SORBS2: variants seen among roughly 807,000 people sequenced by gnomAD.
SORBS2 encodes sorbin and SH3 domain-containing protein 2.
In SORBS2, 46 loss-of-function variants were observed where a neutral mutation model predicts 97.7. That is an observed-to-expected ratio of 0.47 (90% CI 0.37 to 0.60). The LOEUF is 0.60. SORBS2 is among the 20% of genes least tolerant of loss of function. The pLI, the probability that SORBS2 is intolerant of heterozygous loss-of-function variation, is 0.00. For missense variants in SORBS2, 1,316 were observed against 1,282.3 expected, an observed-to-expected ratio of 1.03 and a Z score of -0.40; for synonymous variants, 476 against 473.4, an observed-to-expected ratio of 1.01 and a Z score of -0.07.
At chr4:185,641,739 TTTG>T (rs948683684) in intron 4 of SORBS2, among the ~76,000 whole-genome samples, 3 of 151,648 alleles carry the variant, frequency 2.0e-5, no homozygotes, top group Admixed American at 6.6e-5. Context: ...GTGTGATTTT[TTTG>T]TTGTTGTTTC....
intron 2 of SORBS2, among the ~76,000 whole-genome samples, chr4:185,768,726 A>G (rs2098952246): frequency 6.6e-6 from 1 of 151,922 alleles, no homozygotes; most frequent in African/African-American, 2.4e-5. Flanking sequence ...AAAACAAAAA[A>G]AAATGCAAAT....
intron 5 of SORBS2, among the ~76,000 whole-genome samples, chr4:185,629,910 C>A (rs1441310734): frequency 6.6e-6 from 1 of 152,108 alleles, no homozygotes; most frequent in African/African-American, 2.4e-5. Flanking sequence ...GCTAATGGAA[C>A]TTACTTCAGG....
At chr4:185,881,620 C>T (rs1023707247) in intron 1 of SORBS2, among the ~76,000 whole-genome samples, 4 of 152,094 alleles carry the variant, frequency 2.6e-5, no homozygotes, top group Admixed American at 1.3e-4. Context: ...CAACTTCTGA[C>T]GATGAAATCC....
rs1354791543 is a variant in SORBS2 at position 185,607,212 on chromosome 4, T to A, written c.2796+4568A>T. The A allele has an allele frequency of 8.7e-7, 1 of 1,153,836 alleles. No individual in the cohort carries two copies. Among genetic ancestry groups the A allele is most frequent in the Non-Finnish European group, 1.1e-6 (1 of 924,580 alleles). 71.5% of individuals were successfully genotyped at this position (1,153,836 alleles called of 1,614,324 possible). A position where few individuals can be genotyped will look rare whatever the true frequency, so the allele number is the denominator to read the frequency against. On this transcript the variant is annotated intron_variant, in intron 12 of 14. Transcript: ENST00000418609. This position sits in a 1 kb window ranked among gnomAD's most constrained non-coding sequence, Gnocchi z 5.2. Reference sequence around the variant, plus strand: ...AGAAGTTGTCCAGGAAACGAGGTGGTGTTGGGGCCAAAGGGTTTGCTGGTA... The same window carrying A: ...AGAAGTTGTCCAGGAAACGAGGTGGAGTTGGGGCCAAAGGGTTTGCTGGTA...
At chr4:185,916,954 C>A (rs1314767370) in intron 1 of SORBS2, among the ~76,000 whole-genome samples, 2 of 152,188 alleles carry the variant, frequency 1.3e-5, no homozygotes, top group Non-Finnish European at 2.9e-5. Context: ...AAAGACCAAG[C>A]CAGGATTAGA....
chr4:185,694,898 G>C (rs2098154099), intron 2 of SORBS2, among the ~76,000 whole-genome samples: 1 of 151,202 alleles, frequency 6.6e-6, no homozygotes, highest in African/African-American at 2.4e-5. Flanking sequence ...GTAGAGACGG[G>C]GTTTTACCAT....
chr4:185,730,740 T>A (rs2098613233), intron 2 of SORBS2, among the ~76,000 whole-genome samples: 1 of 151,996 alleles, frequency 6.6e-6, no homozygotes, highest in Non-Finnish European at 1.5e-5. Context: ...GCCCCTAGAG[T>A]CCCAGAGGTC....
At chr4:185,878,344 A>G (rs887821685) in intron 1 of SORBS2, among the ~76,000 whole-genome samples, 1 of 152,218 alleles carries the variant, frequency 6.6e-6, no homozygotes, top group Non-Finnish European at 1.5e-5. Flanking sequence ...GGATCACTAT[A>G]AAATCTTATT....
rs1312359189 is a variant in SORBS2 at position 185,678,411 on chromosome 4, G to A, written c.-46+12C>T. The stretch of plus-strand genomic sequence containing the variant: ...TTAAAATAATGCAGTAGCCAAGAGT[G>A]TGCAGGGTTACCTGAGTTGGTGATC... On this transcript the variant is annotated intron_variant, in intron 4 of 20. Coordinates refer to the SORBS2 transcript ENST00000284776. 5.8e-6 allele frequency: 9 copies of A among 1,547,958 alleles called. No individual in the cohort carries two copies. Among genetic ancestry groups the A allele is most frequent in the Admixed American group, 2.0e-5 (1 of 50,176 alleles).
intron 1 of SORBS2, among the ~76,000 whole-genome samples, chr4:185,914,598 C>T (rs978338610): frequency 1.3e-5 from 2 of 152,160 alleles, no homozygotes; most frequent in African/African-American, 4.8e-5. Context: ...CGTGAACGCA[C>T]GTTCATTGTA....
chr4:185,886,283 C>T (rs950701091), intron 1 of SORBS2, among the ~76,000 whole-genome samples: 2 of 152,030 alleles, frequency 1.3e-5, no homozygotes, highest in Non-Finnish European at 2.9e-5. Flanking sequence ...CCACCCAGTG[C>T]GGTGGCTCAC....
At chr4:185,689,796 C>T (rs1238998460) in intron 2 of SORBS2, among the ~76,000 whole-genome samples, 1 of 152,154 alleles carries the variant, frequency 6.6e-6, no homozygotes, top group African/African-American at 2.4e-5. Context: ...TCTGCCATGG[C>T]GCGACGGCTC....
At chr4:185,758,828 G>T (rs1250120847) in intron 2 of SORBS2, among the ~76,000 whole-genome samples, 1 of 152,180 alleles carries the variant, frequency 6.6e-6, no homozygotes, top group Non-Finnish European at 1.5e-5. Flanking sequence ...CCCCAGATGG[G>T]TAACCCTATG....
At chr4:185,656,950 CA>C in exon 1 of SORBS2, 1 of 1,145,924 alleles carries the variant, frequency 8.7e-7, no homozygotes. Flanking sequence ...CCAATCATCT[CA>C]CCTCCCAACT....
At chr4:185,708,959 T>G (rs1437684614) in intron 2 of SORBS2, among the ~76,000 whole-genome samples, 1 of 152,284 alleles carries the variant, frequency 6.6e-6, no homozygotes, top group Admixed American at 6.5e-5. Flanking sequence ...TACGTGGGTA[T>G]GACTGTATGT....
chr4:185,626,627 G>C (rs747664772), intron 6 of SORBS2, among the ~76,000 whole-genome samples: 2 of 152,212 alleles, frequency 1.3e-5, no homozygotes, highest in Admixed American at 6.5e-5. Context: ...GCAGATGCTA[G>C]TCAGAGTTCT....
chr4:185,784,676 A>T (rs1216122707), intron 1 of SORBS2, among the ~76,000 whole-genome samples: 1 of 152,228 alleles, frequency 6.6e-6, no homozygotes, highest in Non-Finnish European at 1.5e-5. Flanking sequence ...TCATCTAAAA[A>T]CAACCTTCCT....
At chr4:185,593,124 C>T (rs1353134037) in intron 13 of SORBS2, 1 of 152,368 alleles carries the variant, frequency 6.6e-6, no homozygotes, top group Admixed American at 6.6e-5. Flanking sequence ...AGTGTGTGCT[C>T]AGATATGGGG....
chr4:185,686,502 G>A (rs2097961629), intron 2 of SORBS2, among the ~76,000 whole-genome samples: 1 of 152,200 alleles, frequency 6.6e-6, no homozygotes, highest in Non-Finnish European at 1.5e-5. Context: ...ACAAATGGGA[G>A]AAACAACTGA....
Sources: allele counts gnomAD v4.1 joint callset (sites outside exome capture counted in the v4.1 genomes callset), GRCh38; gene constraint gnomAD v4.1.1; non-coding constraint Gnocchi (gnomAD v3.1); transcripts MANE v1.5; gene names NCBI Gene and HGNC (gene_info 2026-07-23, HGNC 2026-07-21).